The following RAB8B variants were observed in gnomAD, a reference collection of about 807,000 sequenced individuals.
The protein encoded by RAB8B is ras-related protein Rab-8B.
RAB8B carries 11 observed loss-of-function variants against 32.0 expected under a neutral mutation model. That is an observed-to-expected ratio of 0.34 (90% CI 0.22 to 0.57). The LOEUF is 0.57. RAB8B is among the 20% of genes least tolerant of loss of function. RAB8B has a pLI of 0.86. For missense variants in RAB8B, 190 were observed against 258.5 expected (o/e 0.73, Z 1.82); for synonymous variants, 103 against 89.6 (o/e 1.15, Z -0.85).
chr15:63,213,003 G>A (rs990644720), intron 1 of RAB8B, among the ~76,000 whole-genome samples: 2 of 152,148 alleles, frequency 1.3e-5, no homozygotes, highest in Non-Finnish European at 2.9e-5. Context: ...TTTGGCAGAG[G>A]CCTAAAGCAT....
chr15:63,262,994 A>G (rs968380939), intron 7 of RAB8B, among the ~76,000 whole-genome samples: 2 of 152,176 alleles, frequency 1.3e-5, no homozygotes, highest in Admixed American at 6.5e-5. Context: ...GAAAATAATA[A>G]TGGCACAAAT....
chr15:63,252,051 C>T (rs1021220237), intron 3 of RAB8B, among the ~76,000 whole-genome samples: 3 of 151,962 alleles, frequency 2.0e-5, no homozygotes, highest in South Asian at 2.1e-4. Context: ...CATATCATTA[C>T]ATTATTAATG....
intron 1 of RAB8B, among the ~76,000 whole-genome samples, chr15:63,234,282 C>T (rs892595208): frequency 1.3e-5 from 2 of 152,226 alleles, no homozygotes; most frequent in African/African-American, 4.8e-5. Context: ...CTTTCCCACA[C>T]TCCAGCAATG....
chr15:63,191,233 G>C (rs1001921810), intron 1 of RAB8B, among the ~76,000 whole-genome samples: 2 of 152,170 alleles, frequency 1.3e-5, no homozygotes, highest in African/African-American at 4.8e-5. Context: ...AAATAATAGA[G>C]AGCTAGTGCT....
At chr15:63,233,170 T>C (rs1308638540) in intron 1 of RAB8B, among the ~76,000 whole-genome samples, 1 of 151,278 alleles carries the variant, frequency 6.6e-6, no homozygotes, top group Non-Finnish European at 1.5e-5. Context: ...AGCTATCCGC[T>C]CACTTCAGCC....
In RAB8B at chr15:63,261,911, T is replaced by G. The variant is rs148884435; in HGVS notation, c.481-781T>G. ...ATTTGGTTTGTATCAAGAGACATTA[T>G]GGATAAATTATCACGAAGATTAATC... On this transcript the variant is annotated intron_variant, in intron 6 of 7. Transcript: ENST00000321437. 2.7e-3 allele frequency among the ~76,000 whole-genome samples: 407 copies of G among 152,340 alleles called. 3 individuals carry two copies. The highest frequency in any genetic ancestry group is 8.1e-3 in the African/African-American group (337 of 41,572).
chr15:63,203,000 G>A (rs1248410531), intron 1 of RAB8B, among the ~76,000 whole-genome samples: 1 of 152,220 alleles, frequency 6.6e-6, no homozygotes, highest in Non-Finnish European at 1.5e-5. Context: ...TTATGCAGTG[G>A]TCATTGGTTT....
chr15:63,224,032 A>G (rs1375749215), intron 1 of RAB8B: 1 of 199,146 alleles, frequency 5.0e-6, no homozygotes, highest in East Asian at 1.1e-4. Context: ...TGTTATACCT[A>G]CATCTTCAGG....
At chr15:63,216,902 C>T (rs936846884) in intron 1 of RAB8B, among the ~76,000 whole-genome samples, 11 of 151,824 alleles carry the variant, frequency 7.2e-5, no homozygotes, top group African/African-American at 2.2e-4. Flanking sequence ...AGTATTCCTC[C>T]TTTTTTAGTC....
intron 1 of RAB8B, among the ~76,000 whole-genome samples, chr15:63,225,287 T>C (rs1443332188): frequency 6.6e-6 from 1 of 152,202 alleles, no homozygotes; most frequent in African/African-American, 2.4e-5. Context: ...ATCAAAGCTC[T>C]TACAAGTCAG....
At position 63,267,059 on chromosome 15, in the gene RAB8B, G is replaced by C. The variant is rs549364172; in HGVS notation, c.*3440G>C. On this transcript the variant is annotated 3_prime_UTR_variant, in exon 8 of 8. Coordinates refer to ENST00000321437, the MANE Select transcript of RAB8B (RefSeq NM_016530.3). ...TTCCTTTTTCCTTGTTACATCCAAG[G>C]GGGGCACAGGGGTGGGTGGAAAGGA... The C allele has an allele frequency of 5.2e-5, 8 of 152,414 alleles. No individual in the cohort carries two copies. The highest frequency in any genetic ancestry group is 1.2e-4 in the African/African-American group (5 of 41,438). 9.4% of individuals were successfully genotyped at this position (152,414 alleles called of 1,614,324 possible). A position where few individuals can be genotyped will look rare whatever the true frequency, so the allele number is the denominator to read the frequency against.
At chr15:63,234,847 T>G (rs1168963939) in intron 1 of RAB8B, among the ~76,000 whole-genome samples, 1 of 152,168 alleles carries the variant, frequency 6.6e-6, no homozygotes, top group Non-Finnish European at 1.5e-5. Flanking sequence ...AAATCAGAAC[T>G]CCTTTGTTCT....
chr15:63,257,678 TAA>T (rs1001005261), intron 5 of RAB8B, among the ~76,000 whole-genome samples: 28 of 152,316 alleles, frequency 1.8e-4, no homozygotes, highest in African/African-American at 2.9e-4. Context: ...GAGGAATATA[TAA>T]GAGTTCGCAA....
intron 4 of RAB8B, among the ~76,000 whole-genome samples, chr15:63,256,253 C>T (rs563952127): frequency 1.3e-5 from 2 of 152,174 alleles, no homozygotes; most frequent in African/African-American, 4.8e-5. Flanking sequence ...CATTAGATCA[C>T]CATAAGCTTT....
chr15:63,255,870 G>A (rs1319404925), intron 4 of RAB8B, among the ~76,000 whole-genome samples: 1 of 152,218 alleles, frequency 6.6e-6, no homozygotes, highest in African/African-American at 2.4e-5. Context: ...AGAAAGAAGT[G>A]ATTTGCCTGT....
At chr15:63,228,425 T>C (rs1255055253) in intron 1 of RAB8B, among the ~76,000 whole-genome samples, 1 of 152,248 alleles carries the variant, frequency 6.6e-6, no homozygotes, top group African/African-American at 2.4e-5. Context: ...CTCAGAATTA[T>C]CTGTGTTAAT....
chr15:63,207,032 A>C (rs982365393), intron 1 of RAB8B, among the ~76,000 whole-genome samples: 6 of 151,724 alleles, frequency 4.0e-5, no homozygotes, highest in South Asian at 2.1e-4. Context: ...CATACTTCCT[A>C]CTCTTCTAAC....
Position 63,263,713 on chromosome 15 carries a change from G to C in RAB8B, c.*94G>C, listed in dbSNP as rs752517393. ...CCCAGCCTCAGAATCACACCTCCCG[G>C]CTGCTGCTGAGAGCACCACTGAACT... On this transcript the variant is annotated 3_prime_UTR_variant, in exon 8 of 8. Transcript: ENST00000321437. The C allele has an allele frequency of 4.0e-5, 40 of 1,007,842 alleles. No homozygotes were observed. Among genetic ancestry groups the C allele is most frequent in the African/African-American group, 6.4e-5 (4 of 62,312 alleles). The allele number at this position is 1,007,842 out of a possible 1,614,324, so 62.4% of individuals were successfully genotyped here.
intron 1 of RAB8B, among the ~76,000 whole-genome samples, chr15:63,227,702 C>T (rs1028996520): frequency 1.3e-5 from 2 of 152,284 alleles, no homozygotes; most frequent in Non-Finnish European, 1.5e-5. Flanking sequence ...TGCATACCTG[C>T]TGTTTGTTTT....
Sources: gnomAD v4.1 joint callset for allele counts (sites outside exome capture counted in the v4.1 genomes callset) on GRCh38, gnomAD v4.1.1 for gene constraint, MANE v1.5 for transcripts, NCBI Gene and HGNC (gene_info 2026-07-23, HGNC 2026-07-21) for gene names.